The following TPX2 variants were observed in gnomAD, a reference collection of about 807,000 sequenced individuals.
The protein encoded by TPX2 is TPX2 microtubule nucleation factor.
TPX2 carries 21 observed loss-of-function variants against 93.6 expected under a neutral mutation model. The ratio of observed to expected loss-of-function variants is 0.22; its 90% CI spans 0.16 to 0.32. TPX2 has a LOEUF of 0.32. Ranked by LOEUF, TPX2 falls within the 10% of genes least tolerant of loss-of-function variation. The pLI, the probability that TPX2 is intolerant of heterozygous loss-of-function variation, is 1.00. For synonymous variants in TPX2, 281 were observed against 298.3 expected (o/e 0.94, Z 0.60); for missense variants, 776 against 871.1 (o/e 0.89, Z 1.37).
intron 10 of TPX2, among the ~76,000 whole-genome samples, chr20:31,779,708 C>A (rs561800019): frequency 1.3e-4 from 20 of 151,888 alleles, no homozygotes; most frequent in Non-Finnish European, 2.8e-4. Context: ...GCTGAAGGTA[C>A]GAGAGAGAGG....
intron 2 of TPX2, among the ~76,000 whole-genome samples, chr20:31,751,738 A>T (rs1197791198): frequency 6.6e-6 from 1 of 152,170 alleles, no homozygotes; most frequent in South Asian, 2.1e-4. Flanking sequence ...AATGGTTTAT[A>T]CAATAATTAT....
intron 5 of TPX2, among the ~76,000 whole-genome samples, chr20:31,768,737 A>G (rs1489854679): frequency 3.3e-5 from 5 of 152,232 alleles, no homozygotes; most frequent in African/African-American, 1.2e-4. Context: ...AAAGAATTAC[A>G]AATCAATTAG....
chr20:31,747,129 T>C (rs1289368121), intron 2 of TPX2, among the ~76,000 whole-genome samples: 1 of 151,988 alleles, frequency 6.6e-6, no homozygotes, highest in East Asian at 1.9e-4. Flanking sequence ...TTTTTTTTTG[T>C]TGTTGTTGTT....
At chr20:31,765,333 C>A (rs1045499377) in intron 4 of TPX2, among the ~76,000 whole-genome samples, 62 of 127,862 alleles carry the variant, frequency 4.8e-4, no homozygotes, top group African/African-American at 1.1e-3. Context: ...AAAAAAAAAA[C>A]GTTTATCAAA....
intron 4 of TPX2, among the ~76,000 whole-genome samples, chr20:31,760,625 G>T (rs527707321): frequency 1.3e-5 from 2 of 152,152 alleles, no homozygotes; most frequent in Non-Finnish European, 2.9e-5. Flanking sequence ...TTCCCAAAGT[G>T]CTGGGATTAT....
chr20:31,757,384 T>A, intron 2 of TPX2, 23 bp from the exon 3 acceptor site: 1 of 1,010,620 alleles, frequency 9.9e-7, no homozygotes, highest in Non-Finnish European at 1.5e-6. Context: ...CTTAGATTTA[T>A]GTGCAACCAT....
chr20:31,785,717 C>T (rs376168155), intron 12 of TPX2, among the ~76,000 whole-genome samples: 3 of 152,082 alleles, frequency 2.0e-5, no homozygotes, highest in African/African-American at 7.2e-5. Context: ...CGGCTGGTCT[C>T]GAACTCCTGA....
chr20:31,758,225 C>T (rs559773405), intron 3 of TPX2, among the ~76,000 whole-genome samples: 11 of 151,138 alleles, frequency 7.3e-5, no homozygotes, highest in Non-Finnish European at 1.3e-4. Context: ...CTTGTTCAAG[C>T]GGTTCTGCCT....
At chr20:31,754,370 C>T (rs1325233160) in intron 2 of TPX2, among the ~76,000 whole-genome samples, 1 of 152,144 alleles carries the variant, frequency 6.6e-6, no homozygotes, top group Non-Finnish European at 1.5e-5. Context: ...CATGAGCCAC[C>T]ACTCTCAGCC....
chr20:31,751,761 A>G (rs778962153), intron 2 of TPX2, among the ~76,000 whole-genome samples: 1 of 152,190 alleles, frequency 6.6e-6, no homozygotes, highest in Non-Finnish European at 1.5e-5. Context: ...TTATTTTCTG[A>G]GATGAAGTCT....
At chr20:31,779,033 C>G in intron 10 of TPX2, 49 bp downstream of exon 10, 1 of 1,500,490 alleles carries the variant, frequency 6.7e-7, no homozygotes, top group South Asian at 1.4e-5. Context: ...TCCTACATTC[C>G]CTCTGCTTAC....
intron 1 of TPX2, among the ~76,000 whole-genome samples, chr20:31,742,227 G>A (rs555568101): frequency 6.8e-6 from 1 of 146,768 alleles, no homozygotes; most frequent in Non-Finnish European, 1.5e-5. Flanking sequence ...AGGCTGGAGT[G>A]CACTGGCTGG....
chr20:31,763,558 GTGAAATCTCAGAC>G (rs1466411796), intron 4 of TPX2, among the ~76,000 whole-genome samples: 3 of 151,990 alleles, frequency 2.0e-5, no homozygotes, highest in Non-Finnish European at 4.4e-5. Flanking sequence ...GAGAGAGGTA[GTGAAATCTCAGAC>G]TGTAATTATG....
chr20:31,776,010 T>G (rs1331743154), intron 8 of TPX2, 22 bp downstream of exon 8: 1 of 1,487,048 alleles, frequency 6.7e-7, no homozygotes, highest in South Asian at 1.4e-5. Flanking sequence ...TGTGGTTGAG[T>G]CTGATTCATG....
intron 4 of TPX2, among the ~76,000 whole-genome samples, chr20:31,762,154 G>A (rs930058012): frequency 6.6e-6 from 1 of 152,020 alleles, no homozygotes; most frequent in African/African-American, 2.4e-5. Context: ...TGAATAGTTA[G>A]CACGTATTTT....
rs770272000 is a variant in TPX2, at chr20:31,764,824, C to T, written c.230-1732C>T. Among the ~76,000 whole-genome samples, 4 of 152,124 alleles carry T rather than the reference C, an allele frequency of 2.6e-5. No individual in the cohort carries two copies. In the East Asian group the frequency reaches 7.7e-4, roughly 29 times the overall value. ...TAATGCCTAAACTATGTTTTCATGG[C>T]CTATCTTTTCTTCCCTGTCATCTTG... On this transcript the variant is annotated intron_variant, in intron 4 of 17. Transcript: ENST00000300403.
intron 2 of TPX2, among the ~76,000 whole-genome samples, chr20:31,755,009 C>T (rs1013624472): frequency 2.0e-5 from 3 of 152,112 alleles, no homozygotes; most frequent in Non-Finnish European, 4.4e-5. Context: ...AGTAGAGTGG[C>T]GTGATCTTGG....
At position 31,801,409 on chromosome 20, in the gene TPX2, CTA is replaced by C. The variant is rs1248065818; in HGVS notation, c.*331_*332del. The C allele has an allele frequency of 4.8e-6, 1 of 206,314 alleles. No homozygotes were observed. Among genetic ancestry groups the C allele is most frequent in the Admixed American group, 5.5e-5 (1 of 18,194 alleles). 12.8% of individuals were successfully genotyped at this position (206,314 alleles called of 1,614,324 possible). On this transcript the variant is annotated 3_prime_UTR_variant, in exon 18 of 18. Transcript: ENST00000300403. ...TCTCTGTGTCAGCACAGTGTAATCTCTATTGCTATTGCCCCTTACGACTCTCA... is the reference window on the plus strand; with the variant it reads ...TCTCTGTGTCAGCACAGTGTAATCTCTTGCTATTGCCCCTTACGACTCTCA...
At chr20:31,760,316 A>G (rs2061881542) in intron 4 of TPX2, 137 bp downstream of exon 4, 4 of 1,166,760 alleles carry the variant, frequency 3.4e-6, no homozygotes, top group Non-Finnish European at 3.6e-6. Context: ...TCATTTCATG[A>G]TAAATGTAAA....
Sources: gnomAD v4.1 joint callset for allele counts (sites outside exome capture counted in the v4.1 genomes callset) on GRCh38, gnomAD v4.1.1 for gene constraint, MANE v1.5 for transcripts, NCBI Gene and HGNC (gene_info 2026-07-23, HGNC 2026-07-21) for gene names.